The following PKN2 variants were observed in gnomAD, a reference collection of about 807,000 sequenced individuals.
PKN2 encodes the protein serine/threonine-protein kinase N2.
A neutral mutation model predicts 119.1 loss-of-function variants in PKN2; 38 were observed. The ratio of observed to expected loss-of-function variants is 0.32; its 90% CI spans 0.25 to 0.42. PKN2 has a LOEUF of 0.42. PKN2 is among the 10% of genes least tolerant of loss of function. PKN2 has a pLI of 1.00. For synonymous variants in PKN2, 390 were observed against 384.9 expected, an observed-to-expected ratio of 1.01 and a Z score of -0.15; for missense variants, 850 against 1,165.1, an observed-to-expected ratio of 0.73 and a Z score of 3.94.
At chr1:88,684,730 T>C (rs1288965410) in intron 1 of PKN2, 102 bp downstream of exon 1, 15 of 1,031,348 alleles carry the variant, frequency 1.5e-5, no homozygotes, top group Non-Finnish European at 1.9e-5. Flanking sequence ...GCCGCGCCCC[T>C]AGCCCGCTAA....
intron 8 of PKN2, among the ~76,000 whole-genome samples, chr1:88,789,734 A>G (rs946589282): frequency 4.0e-5 from 6 of 151,800 alleles, no homozygotes; most frequent in African/African-American, 1.5e-4. Context: ...GGGACTTTTC[A>G]TTTATTGGTT....
chr1:88,762,726 T>G (rs1383277891), intron 3 of PKN2, among the ~76,000 whole-genome samples: 1 of 152,182 alleles, frequency 6.6e-6, no homozygotes, highest in Non-Finnish European at 1.5e-5. Context: ...TTTGACTGAC[T>G]TTGGAAGCAC....
chr1:88,709,784 A>G (rs1255035122), intron 1 of PKN2, among the ~76,000 whole-genome samples: 2 of 152,208 alleles, frequency 1.3e-5, no homozygotes, highest in African/African-American at 2.4e-5. Flanking sequence ...AAAAAAAATT[A>G]TGCTGGGTCT....
At chr1:88,711,544 A>T (rs1465821570) in intron 1 of PKN2, among the ~76,000 whole-genome samples, 1 of 152,166 alleles carries the variant, frequency 6.6e-6, no homozygotes, top group African/African-American at 2.4e-5. Flanking sequence ...GTGAAATAAG[A>T]TTGGGATGAA....
At chr1:88,763,250 TGCTGAAA>T (rs1474351425) in intron 3 of PKN2, among the ~76,000 whole-genome samples, 1 of 152,240 alleles carries the variant, frequency 6.6e-6, no homozygotes, top group African/African-American at 2.4e-5. Flanking sequence ...TAGATGGAGC[TGCTGAAA>T]GCAGGGAGCT....
chr1:88,700,241 A>G (rs941482827), intron 1 of PKN2, among the ~76,000 whole-genome samples: 1 of 152,136 alleles, frequency 6.6e-6, no homozygotes, highest in African/African-American at 2.4e-5. Flanking sequence ...TAATAGAACC[A>G]TTTATATTCC....
At chr1:88,807,829 AATGATATATGT>A in intron 15 of PKN2, 54 bp downstream of exon 15, 1 of 1,037,142 alleles carries the variant, frequency 9.6e-7, no homozygotes, top group Admixed American at 2.1e-5. Context: ...AGTTAAGAGA[AATGATATATGT>A]ATTACAACAG....
intron 3 of PKN2, among the ~76,000 whole-genome samples, chr1:88,764,498 C>T (rs994611843): frequency 6.6e-6 from 1 of 152,132 alleles, no homozygotes; most frequent in Non-Finnish European, 1.5e-5. Flanking sequence ...TTGGTTATCA[C>T]CCTATCTTCA....
chr1:88,733,632 A>C (rs2100730832), intron 1 of PKN2, among the ~76,000 whole-genome samples: 2 of 152,258 alleles, frequency 1.3e-5, no homozygotes, highest in South Asian at 4.1e-4. Context: ...TATGACTGGC[A>C]TCCTTGCTCT....
intron 16 of PKN2, among the ~76,000 whole-genome samples, chr1:88,818,144 C>T (rs978408672): frequency 6.6e-6 from 1 of 152,152 alleles, no homozygotes; most frequent in African/African-American, 2.4e-5. Flanking sequence ...CCTAGGAATA[C>T]AGCTTACAAG....
At chr1:88,700,268 G>C (rs1666723140) in intron 1 of PKN2, among the ~76,000 whole-genome samples, 1 of 152,112 alleles carries the variant, frequency 6.6e-6, no homozygotes, top group Non-Finnish European at 1.5e-5. Context: ...TATATACCCA[G>C]TAATGGGATT....
At chr1:88,785,419 C>T (rs1041453749) in intron 7 of PKN2, among the ~76,000 whole-genome samples, 1 of 152,144 alleles carries the variant, frequency 6.6e-6, no homozygotes. Context: ...CCACCATCTC[C>T]AGCCTTGATT....
intron 17 of PKN2, among the ~76,000 whole-genome samples, chr1:88,823,007 C>T (rs1672358151): frequency 6.6e-6 from 1 of 152,060 alleles, no homozygotes; most frequent in Non-Finnish European, 1.5e-5. Flanking sequence ...TTGCTTCAGT[C>T]TAGGAGTTTG....
Position 88,824,515 on chromosome 1 carries a change from A to C in PKN2, c.2419+129A>C, listed in dbSNP as rs141420769. On this transcript the variant is annotated intron_variant, in intron 18 of 21. Transcript: ENST00000370521. ...TTTATTCTTCATTAAGACATTGTAG[A>C]TACAATGAAAACATTGCTTATATAA... 4 of 589,616 alleles carry C rather than the reference A, an allele frequency of 6.8e-6. No individual in the cohort carries two copies. In the Admixed American group the frequency reaches 1.3e-4, roughly 19 times the overall value. 36.5% of individuals were successfully genotyped at this position (589,616 alleles called of 1,614,324 possible). A position where few individuals can be genotyped will look rare whatever the true frequency, so the allele number is the denominator to read the frequency against.
chr1:88,694,917 C>G (rs1454496235), intron 1 of PKN2, among the ~76,000 whole-genome samples: 1 of 152,120 alleles, frequency 6.6e-6, no homozygotes, highest in Admixed American at 6.5e-5. Context: ...GCGGGCAGAT[C>G]ATGAGGTCAG....
intron 1 of PKN2, among the ~76,000 whole-genome samples, chr1:88,736,162 G>T (rs911490608): frequency 1.3e-5 from 2 of 151,986 alleles, no homozygotes; most frequent in Non-Finnish European, 2.9e-5. Flanking sequence ...TCAGCTCCAG[G>T]ATTTCAGTTT....
chr1:88,808,819 A>C (rs1256117059), intron 15 of PKN2, among the ~76,000 whole-genome samples: 1 of 152,220 alleles, frequency 6.6e-6, no homozygotes, highest in Non-Finnish European at 1.5e-5. Context: ...ACAGCTCTGT[A>C]CAATGAAGAG....
chr1:88,763,702 T>G (rs1484750871), intron 3 of PKN2, among the ~76,000 whole-genome samples: 1 of 152,166 alleles, frequency 6.6e-6, no homozygotes, highest in African/African-American at 2.4e-5. Flanking sequence ...TTTAAGTAGT[T>G]TTTTGCAGTA....
intron 16 of PKN2, among the ~76,000 whole-genome samples, chr1:88,820,212 AT>A (rs1557634893): frequency 8.7e-5 from 10 of 114,702 alleles, no homozygotes; most frequent in Admixed American, 1.8e-4. Context: ...ATATATATAT[AT>A]ATATATATAT....
Sources: allele counts gnomAD v4.1 joint callset (sites outside exome capture counted in the v4.1 genomes callset), GRCh38; gene constraint gnomAD v4.1.1; transcripts MANE v1.5; gene names NCBI Gene and HGNC (gene_info 2026-07-23, HGNC 2026-07-21).